The following HDX variants were observed in gnomAD, a reference collection of about 807,000 sequenced individuals.
The protein encoded by HDX is highly divergent homeobox.
A neutral mutation model predicts 45.2 loss-of-function variants in HDX; 19 were observed. The observed-to-expected ratio is 0.42, with a 90% CI of 0.29 to 0.62. The LOEUF is 0.62. Ranked by LOEUF, HDX falls within the 20% of genes least tolerant of loss-of-function variation. The pLI is 0.20. For synonymous variants in HDX, 188 were observed against 172.8 expected (o/e 1.09, Z -0.69); for missense variants, 532 against 493.9 (o/e 1.08, Z -0.73).
At chrX:84,501,235 A>C (rs2041112120) in intron 1 of HDX, among the ~76,000 whole-genome samples, 1 of 111,738 alleles carries the variant, frequency 8.9e-6, no homozygotes, top group African/African-American at 3.3e-5. Context: ...TAAAAGCCTT[A>C]ATATAAGTAA....
chrX:84,393,767 T>C (rs977916591), intron 5 of HDX, among the ~76,000 whole-genome samples: 3 of 110,696 alleles, frequency 2.7e-5, no homozygotes, highest in African/African-American at 9.8e-5. Context: ...GTGTCCAGGA[T>C]TTTTTGCATT....
chrX:84,415,819 C>G (rs1375399043), intron 5 of HDX, among the ~76,000 whole-genome samples: 3 of 111,864 alleles, frequency 2.7e-5, no homozygotes, highest in Non-Finnish European at 5.6e-5. Flanking sequence ...ACAAAGATAA[C>G]AGTTTAGCAT....
At chrX:84,459,577 T>C (rs1394496968) in intron 4 of HDX, among the ~76,000 whole-genome samples, 1 of 110,654 alleles carries the variant, frequency 9.0e-6, no homozygotes, top group Non-Finnish European at 1.9e-5. Context: ...AAGCTGTAAG[T>C]GCCTACATTC....
chrX:84,335,117 G>A (rs1172260837), intron 8 of HDX, among the ~76,000 whole-genome samples: 1 of 111,160 alleles, frequency 9.0e-6, no homozygotes, highest in African/African-American at 3.3e-5. Context: ...ACTGCTGCCT[G>A]GAGATGAATC....
In HDX at chrX:84,405,098, C is replaced by T. The variant is rs192258227; in HGVS notation, c.1305+35434G>A. Among the ~76,000 whole-genome samples, 311 of 110,475 alleles carry T rather than the reference C, an allele frequency of 2.8e-3. 6 individuals carry two copies. The highest frequency in any genetic ancestry group is 9.5e-3 in the African/African-American group (289 of 30,535). On this transcript the variant is annotated intron_variant, in intron 5 of 10. Transcript: ENST00000373177. ...TATAGTGAATATTATTTTTAAAACC[C>T]TGCAAAACATTAAGAATTTCAAGGT...
At chrX:84,393,631 T>C (rs2038493405) in intron 5 of HDX, among the ~76,000 whole-genome samples, 1 of 111,709 alleles carries the variant, frequency 9.0e-6, no homozygotes, top group African/African-American at 3.2e-5. Context: ...GAATTCTGTA[T>C]TGAAGTCATC....
At chrX:84,403,986 T>C (rs2038762293) in intron 5 of HDX, 1 of 111,290 alleles carries the variant, frequency 9.0e-6, no homozygotes, top group African/African-American at 3.3e-5. Context: ...TGGCTAGGAA[T>C]AGCCCTGTAA....
rs750536766 is a variant in HDX at position 84,320,281 on chromosome X, T to C, written c.*1608A>G. 9.0e-6 allele frequency: 1 copy of C among 110,893 alleles called. No homozygotes were observed. The highest frequency in any genetic ancestry group is 3.7e-4 in the South Asian group (1 of 2,668). The allele number at this position is 110,893 out of a possible 1,213,427, so 9.1% of individuals were successfully genotyped here. A position where few individuals can be genotyped will look rare whatever the true frequency, so the allele number is the denominator to read the frequency against. On this transcript the variant is annotated 3_prime_UTR_variant, in exon 11 of 11. Transcript: ENST00000373177. The stretch of plus-strand genomic sequence containing the variant: ...AAACTCCATATGGCTCAAGGAAGCA[T>C]ATCTGAACACTGAAATATTCCTACT...
intron 6 of HDX, among the ~76,000 whole-genome samples, chrX:84,352,837 T>C (rs776504397): frequency 2.7e-5 from 3 of 111,755 alleles, no homozygotes; most frequent in Non-Finnish European, 5.6e-5. Context: ...AAATTGTAAA[T>C]GCAGAAGCTT....
intron 4 of HDX, among the ~76,000 whole-genome samples, chrX:84,463,757 C>A (rs1427081010): frequency 9.1e-6 from 1 of 110,058 alleles, no homozygotes; most frequent in Non-Finnish European, 1.9e-5. Context: ...TGGAGGGAGA[C>A]CAATATGATT....
chrX:84,383,123 C>T (rs971530241), intron 5 of HDX, among the ~76,000 whole-genome samples: 2 of 110,847 alleles, frequency 1.8e-5, no homozygotes, highest in African/African-American at 3.3e-5. Flanking sequence ...CTTCTTAATC[C>T]TGGCCTTCCT....
At chrX:84,359,601 A>T (rs1866553916) in intron 6 of HDX, among the ~76,000 whole-genome samples, 2 of 111,881 alleles carry the variant, frequency 1.8e-5, no homozygotes, top group Non-Finnish European at 3.8e-5. Context: ...ACTGATGGAC[A>T]TGTGGGTTGC....
chrX:84,352,797 A>G (rs2037390442), intron 6 of HDX, among the ~76,000 whole-genome samples: 1 of 112,019 alleles, frequency 8.9e-6, no homozygotes, highest in Admixed American at 9.5e-5. Flanking sequence ...TTGTCATGTA[A>G]TCTCTCTATT....
chrX:84,482,323 C>T (rs922129192), intron 2 of HDX, among the ~76,000 whole-genome samples: 1 of 111,524 alleles, frequency 9.0e-6, no homozygotes, highest in Non-Finnish European at 1.9e-5. Flanking sequence ...CATTCTCATA[C>T]AGCTATAAAG....
chrX:84,341,564 C>T (rs1294969899), intron 7 of HDX, among the ~76,000 whole-genome samples: 2 of 109,788 alleles, frequency 1.8e-5, no homozygotes, highest in South Asian at 3.9e-4. Flanking sequence ...ATCTGCTTGC[C>T]TCTCCTCTCC....
At chrX:84,425,350 C>A (rs1321530319) in intron 5 of HDX, among the ~76,000 whole-genome samples, 1 of 111,547 alleles carries the variant, frequency 9.0e-6, no homozygotes, top group Non-Finnish European at 1.9e-5. Context: ...AAAGGGAGCC[C>A]TTGTACAATG....
Position 84,468,724 on chromosome X carries a change from A to C in HDX, c.999T>G (p.Leu333=). The part of the protein sequence containing the change: ...YSRFYESGSS[L]RAENQSTTLP... Reference sequence around the variant, plus strand: ...AGGTTGTACTTTGGTTCTCAGCTCGAAGGGAACTGCCACTTTCATAAAATC... The same window carrying C: ...AGGTTGTACTTTGGTTCTCAGCTCGCAGGGAACTGCCACTTTCATAAAATC... The change falls in exon 4 of 11, where the codon CTT becomes CTG. Residue 333 remains leucine (L), a synonymous_variant. Transcript: ENST00000373177. The C allele has an allele frequency of 2.5e-6, 3 of 1,211,612 alleles. No individual in the cohort carries two copies. The highest frequency in any genetic ancestry group is 3.4e-6 in the Non-Finnish European group (3 of 895,446).
intron 2 of HDX, among the ~76,000 whole-genome samples, chrX:84,486,835 T>C (rs2040803201): frequency 9.0e-6 from 1 of 111,499 alleles, no homozygotes. Flanking sequence ...TGATTTTATA[T>C]TATTTCAAGC....
At chrX:84,375,423 C>T (rs1285499647) in intron 5 of HDX, among the ~76,000 whole-genome samples, 2 of 111,378 alleles carry the variant, frequency 1.8e-5, no homozygotes, top group East Asian at 5.6e-4. Context: ...ATAAATCATG[C>T]TGCTATAAAG....
Sources: gnomAD v4.1 joint callset for allele counts (sites outside exome capture counted in the v4.1 genomes callset) on GRCh38, gnomAD v4.1.1 for gene constraint, MANE v1.5 for transcripts, NCBI Gene and HGNC (gene_info 2026-07-23, HGNC 2026-07-21) for gene names.